Variants in TMEM132D observed in about 807,000 individuals in gnomAD.
The protein encoded by TMEM132D is mature OL transmembrane protein.
In TMEM132D, 21 loss-of-function variants were observed where a neutral mutation model predicts 62.3. The ratio of observed to expected loss-of-function variants is 0.34; its 90% CI spans 0.24 to 0.49. The LOEUF is 0.49. Ranked by LOEUF, TMEM132D falls within the 20% of genes least tolerant of loss-of-function variation. The pLI is 0.99. For synonymous variants in TMEM132D, 621 were observed against 575.6 expected, an observed-to-expected ratio of 1.08 and a Z score of -1.13; for missense variants, 1,346 against 1,402.8, an observed-to-expected ratio of 0.96 and a Z score of 0.65.
At chr12:129,754,896 G>A (rs1371636708) in intron 1 of TMEM132D, among the ~76,000 whole-genome samples, 8 of 152,096 alleles carry the variant, frequency 5.3e-5, no homozygotes, top group Non-Finnish European at 1.2e-4. Flanking sequence ...AGAAAGTCAA[G>A]CAGAAATGGG....
In TMEM132D at chr12:129,762,560, G is replaced by C. The variant is rs149587625; in HGVS notation, c.80-61862C>G. Among the ~76,000 whole-genome samples, 700 of 152,102 alleles carry C rather than the reference G, an allele frequency of 4.6e-3. 8 individuals carry two copies. Among genetic ancestry groups the C allele is most frequent in the African/African-American group, 0.016 (649 of 41,496 alleles). On this transcript the variant is annotated intron_variant, in intron 1 of 8. Coordinates refer to ENST00000422113, the MANE Select transcript of TMEM132D (RefSeq NM_133448.3). ...TAGACTCATTTTAAGGGCAGCATTA[G>C]TGTTCTGCCTTCATAAGCACGGAGG...
At chr12:129,743,367 C>A (rs2123077) in intron 1 of TMEM132D, among the ~76,000 whole-genome samples, 1 of 152,144 alleles carries the variant, frequency 6.6e-6, no homozygotes, top group East Asian at 1.9e-4. Context: ...GCTGTTCGCA[C>A]GATAGTAAGT....
At chr12:129,280,740 T>A (rs1228888112) in intron 4 of TMEM132D, among the ~76,000 whole-genome samples, 1 of 152,230 alleles carries the variant, frequency 6.6e-6, no homozygotes, top group Non-Finnish European at 1.5e-5. Flanking sequence ...ATCTTCTATC[T>A]TAGCTTATCT....
intron 1 of TMEM132D, among the ~76,000 whole-genome samples, chr12:129,770,143 G>GT (rs71082754): frequency 0.14 from 18,124 of 127,812 alleles, 1,635 homozygotes; most frequent in African/African-American, 0.19. Flanking sequence ...TTTTTTGGTT[G>GT]TTTTTTTTTT....
At chr12:129,872,408 G>C (rs1874277955) in intron 1 of TMEM132D, among the ~76,000 whole-genome samples, 1 of 152,144 alleles carries the variant, frequency 6.6e-6, no homozygotes, top group Admixed American at 6.5e-5. Context: ...TAAACATCAC[G>C]ATCCCCTGCC....
chr12:129,275,431 T>C (rs1360221977), intron 4 of TMEM132D, among the ~76,000 whole-genome samples: 1 of 152,320 alleles, frequency 6.6e-6, no homozygotes, highest in East Asian at 1.9e-4. Context: ...AATGTTGCTG[T>C]GAGGAAACAA....
chr12:129,592,367 C>T (rs112542409), intron 2 of TMEM132D, among the ~76,000 whole-genome samples: 9 of 152,194 alleles, frequency 5.9e-5, no homozygotes, highest in Non-Finnish European at 8.8e-5. Flanking sequence ...AAATACTACT[C>T]TTGCCTATTC....
At chr12:129,648,534 AGCC>A (rs2137181050) in intron 2 of TMEM132D, among the ~76,000 whole-genome samples, 1 of 152,362 alleles carries the variant, frequency 6.6e-6, no homozygotes, top group Non-Finnish European at 1.5e-5. Flanking sequence ...GGGCAAGGTG[AGCC>A]CATTGGGCAG....
At chr12:129,733,973 G>A (rs867620442) in intron 1 of TMEM132D, among the ~76,000 whole-genome samples, 14 of 152,108 alleles carry the variant, frequency 9.2e-5, no homozygotes, top group South Asian at 2.1e-4. Flanking sequence ...AAGGTACAAC[G>A]GAAGAACTAG....
intron 3 of TMEM132D, among the ~76,000 whole-genome samples, chr12:129,440,254 A>G (rs1246261121): frequency 6.6e-6 from 1 of 152,206 alleles, no homozygotes; most frequent in Non-Finnish European, 1.5e-5. Flanking sequence ...TCTCAGGATG[A>G]AAAAACACTT....
At chr12:129,139,449 A>G (rs1876675393) in intron 5 of TMEM132D, among the ~76,000 whole-genome samples, 1 of 152,202 alleles carries the variant, frequency 6.6e-6, no homozygotes, top group Non-Finnish European at 1.5e-5. Context: ...CCTGCTGAAC[A>G]TCAACCTTGC....
intron 1 of TMEM132D, among the ~76,000 whole-genome samples, chr12:129,802,743 C>A (rs1231270349): frequency 6.6e-6 from 1 of 151,420 alleles, no homozygotes; most frequent in Non-Finnish European, 1.5e-5. Context: ...CATAGACTGG[C>A]AAATTGGATA....
At chr12:129,714,359 C>T (rs264482) in intron 1 of TMEM132D, among the ~76,000 whole-genome samples, 144,821 of 152,280 alleles carry the variant, frequency 0.95, 69,264 homozygotes, top group East Asian at 1. Context: ...CCCCCTTTAA[C>T]GGGTCAGTGG....
intron 4 of TMEM132D, among the ~76,000 whole-genome samples, chr12:129,267,230 G>A (rs1411777980): frequency 6.6e-6 from 1 of 152,086 alleles, no homozygotes; most frequent in Non-Finnish European, 1.5e-5. Context: ...ATTAGGAAAA[G>A]AGGAAGTCAA....
At chr12:129,307,708 A>C (rs913603558) in intron 4 of TMEM132D, among the ~76,000 whole-genome samples, 70 of 152,144 alleles carry the variant, frequency 4.6e-4, no homozygotes, top group Non-Finnish European at 6.0e-4. Context: ...CTGTAACTGC[A>C]GATCATTCGA....
At chr12:129,135,308 T>C (rs1876526323) in intron 5 of TMEM132D, among the ~76,000 whole-genome samples, 1 of 152,214 alleles carries the variant, frequency 6.6e-6, no homozygotes, top group African/African-American at 2.4e-5. Context: ...ATGGGAATGA[T>C]GGTCATGACC....
intron 4 of TMEM132D, among the ~76,000 whole-genome samples, chr12:129,305,530 A>G (rs2135631010): frequency 6.6e-6 from 1 of 152,344 alleles, no homozygotes; most frequent in South Asian, 2.1e-4. Flanking sequence ...TGAAATTAGA[A>G]AAAGAAGTGG....
At chr12:129,717,998 G>T (rs80044781) in intron 1 of TMEM132D, among the ~76,000 whole-genome samples, 17 of 152,320 alleles carry the variant, frequency 1.1e-4, no homozygotes, top group African/African-American at 4.1e-4. Context: ...ACGAAGGTGC[G>T]TTGTGTGTTA....
chr12:129,369,186 C>T (rs1182002425), intron 3 of TMEM132D, among the ~76,000 whole-genome samples: 1 of 152,208 alleles, frequency 6.6e-6, no homozygotes, highest in Non-Finnish European at 1.5e-5. Flanking sequence ...ATGCCTCTCT[C>T]TGTATCTGGG....
Sources: gnomAD v4.1 joint callset for allele counts (sites outside exome capture counted in the v4.1 genomes callset) on GRCh38, gnomAD v4.1.1 for gene constraint, MANE v1.5 for transcripts, NCBI Gene and HGNC (gene_info 2026-07-23, HGNC 2026-07-21) for gene names.